Variants in EFCAB6 observed in about 807,000 individuals in gnomAD.
EFCAB6 encodes the protein EF-hand calcium-binding domain-containing protein 6.
EFCAB6 carries 156 observed loss-of-function variants against 169.8 expected under a neutral mutation model. That is an observed-to-expected ratio of 0.92 (90% CI 0.81 to 1.05). EFCAB6 has a LOEUF of 1.05. Ranked by LOEUF, EFCAB6 falls within the 50% of genes least tolerant of loss-of-function variation. EFCAB6 has a pLI of 0.00. For synonymous variants in EFCAB6, 698 were observed against 676.4 expected (o/e 1.03, Z -0.50); for missense variants, 1,800 against 1,829.1 (o/e 0.98, Z 0.29).
chr22:43,690,343 C>CAAAAAAA (rs137802), intron 10 of EFCAB6, among the ~76,000 whole-genome samples: 5 of 95,850 alleles, frequency 5.2e-5, no homozygotes, highest in East Asian at 3.9e-4. Context: ...ACTAAAAATA[C>CAAAAAAA]AAAAAAAAAA....
rs539616801 is a variant in EFCAB6, at chr22:43,572,670, C to G, written c.3420+3627G>C. ...CCGATGTCACTGCTCACTCCCTCCC[C>G]TCCTCGTCGCTCGGATGTCACCCCT... On this transcript the variant is annotated intron_variant, in intron 26 of 31. Transcript: ENST00000262726. The surrounding 1 kb of genome is among the most constrained non-coding windows in gnomAD (Gnocchi z 4.0). Among the ~76,000 whole-genome samples the G allele has an allele frequency of 9.3e-4, 142 of 152,314 alleles. No homozygotes were observed. The highest frequency in any genetic ancestry group is 3.3e-3 in the African/African-American group (136 of 41,570).
At chr22:43,773,218 A>G (rs2061536215) in intron 3 of EFCAB6, 115 bp from the exon 4 acceptor site, 5 of 998,508 alleles carry the variant, frequency 5.0e-6, no homozygotes, top group Admixed American at 5.1e-5. Context: ...TTCTCCCACC[A>G]TATCTAGGTT....
chr22:43,723,638 C>T (rs1373179724), intron 8 of EFCAB6, among the ~76,000 whole-genome samples: 2 of 152,194 alleles, frequency 1.3e-5, no homozygotes, highest in Admixed American at 1.3e-4. Context: ...CCCACTCTGC[C>T]TCTACAATTC....
rs556443127 is a variant in EFCAB6, at chr22:43,593,097, T to G, written c.2877-2868A>C. ...AAAAAAATCCTGAAAACATTGAATC[T>G]TCATTGGAAAGACCCACTGACAGCA... On this transcript the variant is annotated intron_variant, in intron 23 of 31. Coordinates refer to ENST00000262726, the MANE Select transcript of EFCAB6 (RefSeq NM_022785.4). Among the ~76,000 whole-genome samples the G allele has an allele frequency of 4.6e-5, 7 of 152,124 alleles. No homozygotes were observed. In the South Asian group the frequency reaches 1.5e-3, roughly 32 times the overall value.
In EFCAB6 at chr22:43,672,251, C is replaced by A. The variant is rs1310758535; in HGVS notation, c.1474G>T (p.Asp492Tyr). ...AGAAGGCAAGTGTTACTTACTGAAT[C>A]CCAGGCCAGGAGGAAAGGTGTCTTA... is the stretch of plus-strand genomic sequence containing the variant. ...DAKTPFLLAWDSVEEIVHDTI... is the reference protein window; with the variant it reads ...DAKTPFLLAWYSVEEIVHDTI... The change falls in exon 14 of 32, where the codon GAT becomes TAT. Residue 492 changes from aspartate to tyrosine, a missense_variant. Asp to Tyr is a radical substitution (Grantham distance 160). Transcript: ENST00000262726. 2.4e-5 allele frequency: 38 copies of A among 1,614,024 alleles called. No individual in the cohort carries two copies. The highest frequency in any genetic ancestry group is 2.7e-5 in the Non-Finnish European group (32 of 1,180,000).
chr22:43,682,130 G>A (rs1432590194), intron 12 of EFCAB6, among the ~76,000 whole-genome samples: 1 of 152,040 alleles, frequency 6.6e-6, no homozygotes. Flanking sequence ...AGTCCCCTCC[G>A]TAGTGGGGTG....
chr22:43,777,003 C>T (rs1188286731), intron 3 of EFCAB6, among the ~76,000 whole-genome samples: 2 of 152,124 alleles, frequency 1.3e-5, no homozygotes, highest in African/African-American at 2.4e-5. Flanking sequence ...GTGGCTTAAA[C>T]CAGGTGGTAG....
intron 1 of EFCAB6, among the ~76,000 whole-genome samples, chr22:43,811,131 T>A (rs1017448320): frequency 6.6e-6 from 1 of 151,656 alleles, no homozygotes; most frequent in African/African-American, 2.4e-5. Context: ...AATACAAAAA[T>A]TAGCTGGGCG....
chr22:43,532,325 TG>T (rs2047123703), intron 30 of EFCAB6, among the ~76,000 whole-genome samples: 1 of 152,168 alleles, frequency 6.6e-6, no homozygotes, highest in Non-Finnish European at 1.5e-5. Context: ...CCCCTTTCAC[TG>T]GGGAGGGCTC....
chr22:43,792,991 C>T (rs1172137832), intron 2 of EFCAB6, among the ~76,000 whole-genome samples: 3 of 152,200 alleles, frequency 2.0e-5, no homozygotes, highest in African/African-American at 7.2e-5. Flanking sequence ...TGCTGATGCA[C>T]AGAACCGTTC....
rs139045886 is a variant in EFCAB6 at position 43,650,547 on chromosome 22, A to C, written c.1984-15331T>G. ...AGCATGAAAATGATCTAATACAGTA[A>C]ATTGGTACCAGTAGAGTGGGGCATT... On this transcript the variant is annotated intron_variant, in intron 17 of 31. Transcript: ENST00000262726. Among the ~76,000 whole-genome samples the C allele has an allele frequency of 1.4e-3, 216 of 152,284 alleles. 6 individuals carry two copies. In the East Asian group the frequency reaches 0.024, roughly 17 times the overall value.
chr22:43,609,457 T>C (rs1239657415), intron 21 of EFCAB6, among the ~76,000 whole-genome samples: 3 of 152,192 alleles, frequency 2.0e-5, no homozygotes, highest in South Asian at 4.1e-4. Flanking sequence ...AGAGGTGAAT[T>C]TAGCAAGCAG....
intron 2 of EFCAB6, among the ~76,000 whole-genome samples, chr22:43,794,544 G>A (rs1569492960): frequency 6.6e-6 from 1 of 152,194 alleles, no homozygotes; most frequent in Non-Finnish European, 1.5e-5. Context: ...AAACAGATAA[G>A]AGTAATGAAG....
At chr22:43,690,755 C>T (rs531145361) in intron 10 of EFCAB6, among the ~76,000 whole-genome samples, 1 of 151,562 alleles carries the variant, frequency 6.6e-6, no homozygotes, top group African/African-American at 2.4e-5. Context: ...TGCCCTCGGT[C>T]CCTTCTGCTT....
chr22:43,575,695 A>T (rs955132089), intron 26 of EFCAB6, among the ~76,000 whole-genome samples: 2 of 152,172 alleles, frequency 1.3e-5, no homozygotes, highest in Non-Finnish European at 2.9e-5. Flanking sequence ...ATGAAAAAAA[A>T]AATCACAAAA....
At chr22:43,535,808 A>G (rs1263846139) in intron 29 of EFCAB6, 1 of 152,260 alleles carries the variant, frequency 6.6e-6, no homozygotes, top group African/African-American at 2.4e-5. Context: ...CTGCATGCCA[A>G]GCCAGGCCAA....
intron 3 of EFCAB6, among the ~76,000 whole-genome samples, chr22:43,776,819 G>A (rs997026661): frequency 6.6e-6 from 1 of 152,190 alleles, no homozygotes; most frequent in Non-Finnish European, 1.5e-5. Flanking sequence ...TTTCTTCAAA[G>A]TGCAATGGAA....
At chr22:43,561,642 A>G (rs1178726380) in intron 26 of EFCAB6, among the ~76,000 whole-genome samples, 1 of 151,998 alleles carries the variant, frequency 6.6e-6, no homozygotes, top group Non-Finnish European at 1.5e-5. Flanking sequence ...TCTGGTTCCC[A>G]TTTCACTTTT....
chr22:43,591,124 GT>G (rs1169720525), intron 23 of EFCAB6, among the ~76,000 whole-genome samples: 56 of 114,146 alleles, frequency 4.9e-4, no homozygotes, highest in South Asian at 1.6e-3. Flanking sequence ...TTTTTTTTTT[GT>G]TTTTTTTTTG....
Sources: allele counts gnomAD v4.1 joint callset (sites outside exome capture counted in the v4.1 genomes callset), GRCh38; gene constraint gnomAD v4.1.1; non-coding constraint Gnocchi (gnomAD v3.1); transcripts MANE v1.5; gene names NCBI Gene and HGNC (gene_info 2026-07-23, HGNC 2026-07-21).